The following TMED3 variants were observed in gnomAD, a reference collection of about 807,000 sequenced individuals.
The protein encoded by TMED3 is transmembrane emp24 domain-containing protein 3.
In TMED3, 9 loss-of-function variants were observed where a neutral mutation model predicts 15.0. The observed-to-expected ratio is 0.60, with a 90% CI of 0.36 to 1.04. The LOEUF (loss-of-function observed/expected upper bound fraction) is 1.04, where lower values mean the gene tolerates loss of function less well. Ranked by LOEUF, TMED3 falls within the 50% of genes least tolerant of loss-of-function variation. The pLI is 0.01. For synonymous variants in TMED3, 117 were observed against 121.4 expected (o/e 0.96, Z 0.24); for missense variants, 267 against 278.9 (o/e 0.96, Z 0.30).
chr15:79,390,896 A>G (rs920137693), intron 2 of TMED3, among the ~76,000 whole-genome samples: 2 of 151,952 alleles, frequency 1.3e-5, no homozygotes, highest in Non-Finnish European at 2.9e-5. Context: ...GCCTTGAACC[A>G]TCTTTTATAT....
chr15:79,339,168 C>T (rs906957965), intron 2 of TMED3, among the ~76,000 whole-genome samples: 1 of 148,796 alleles, frequency 6.7e-6, no homozygotes, highest in Non-Finnish European at 1.5e-5. Flanking sequence ...TTTGTCTCCT[C>T]TCTCTCTCTC....
intron 2 of TMED3, among the ~76,000 whole-genome samples, chr15:79,354,838 G>GC (rs1000414632): frequency 8.5e-5 from 13 of 152,078 alleles, no homozygotes; most frequent in East Asian, 1.9e-4. Context: ...TTCAAGCTCT[G>GC]CCCCCCCATT....
At chr15:79,411,739 G>T in exon 3 of TMED3, 1 of 473,418 alleles carries the variant, frequency 2.1e-6, no homozygotes, top group Non-Finnish European at 3.9e-6. Flanking sequence ...TGAGCTGGCA[G>T]GGAGAGTTGC....
chr15:79,394,835 A>G (rs1893742542), intron 2 of TMED3, among the ~76,000 whole-genome samples: 5 of 152,212 alleles, frequency 3.3e-5, no homozygotes, highest in African/African-American at 1.2e-4. Flanking sequence ...AGAGAAATTG[A>G]GACCCCCTGT....
Position 79,322,166 on chromosome 15 carries a change from A to G in TMED3, c.606A>G (p.Lys202=), listed in dbSNP as rs1490374047. The change falls in exon 3 of 3, where the codon AAA becomes AAG. Residue 202 remains lysine, a synonymous_variant. Coordinates refer to ENST00000299705, the MANE Select transcript of TMED3 (RefSeq NM_007364.4). ...VVSFSQVLLL[K]SFFTEKRPIS... ...GCTTCAGTCAGGTGCTACTGTTGAA[A>G]AGCTTCTTCACAGAAAAACGACCCA... 1 of 1,614,164 alleles carries G rather than the reference A, an allele frequency of 6.2e-7. No individual in the cohort carries two copies. The highest frequency in any genetic ancestry group is 1.7e-5 in the Admixed American group (1 of 60,032).
intron 2 of TMED3, among the ~76,000 whole-genome samples, chr15:79,400,180 GTCACTCCTCA>G (rs1351410021): frequency 3.3e-5 from 5 of 152,172 alleles, no homozygotes; most frequent in Non-Finnish European, 4.4e-5. Context: ...CCATTCTGCT[GTCACTCCTCA>G]CAGCACTGGT....
chr15:79,385,417 A>G (rs1343400869), intron 2 of TMED3, among the ~76,000 whole-genome samples: 1 of 152,176 alleles, frequency 6.6e-6, no homozygotes, highest in Non-Finnish European at 1.5e-5. Flanking sequence ...CATCTCAAGC[A>G]GGCTCCACCC....
At chr15:79,410,346 G>A (rs16970917) in intron 2 of TMED3, among the ~76,000 whole-genome samples, 2,456 of 152,176 alleles carry the variant, frequency 0.016, 58 homozygotes, top group African/African-American at 0.055. Flanking sequence ...TTTTCCCATC[G>A]GAATGAAGCA....
intron 2 of TMED3, among the ~76,000 whole-genome samples, chr15:79,376,479 A>T (rs1035479308): frequency 6.6e-6 from 1 of 152,172 alleles, no homozygotes; most frequent in Non-Finnish European, 1.5e-5. Context: ...TAATCCCATA[A>T]CTACTCATTT....
At position 79,311,134 on chromosome 15, in the gene TMED3, G is replaced by A; in HGVS notation, c.-116G>A. The A allele has an allele frequency of 8.3e-7, 1 of 1,200,250 alleles. No individual in the cohort carries two copies. The allele number at this position is 1,200,250 out of a possible 1,614,324, so 74.4% of individuals were successfully genotyped here. On this transcript the variant is annotated 5_prime_UTR_variant, in exon 1 of 3. Coordinates refer to ENST00000299705, the MANE Select transcript of TMED3 (RefSeq NM_007364.4). ...GGCCCTCCCGGAAGCGCAGAGCTCC[G>A]CTGGTGCCACGTCTATCCCCTTACA...
chr15:79,406,615 G>A (rs763194006), intron 2 of TMED3, among the ~76,000 whole-genome samples: 54 of 152,342 alleles, frequency 3.5e-4, no homozygotes, highest in African/African-American at 1.3e-3. Flanking sequence ...GAAGCAATAG[G>A]TCCTGGGTCT....
downstream of TMED3, among the ~76,000 whole-genome samples, chr15:79,325,053 A>C (rs959411514): frequency 6.6e-6 from 1 of 152,196 alleles, no homozygotes; most frequent in African/African-American, 2.4e-5. Flanking sequence ...TGGAACTGAC[A>C]GGTGGAGTTT....
intron 2 of TMED3, chr15:79,383,882 G>C (rs1893582546): frequency 6.6e-6 from 1 of 152,194 alleles, no homozygotes; most frequent in Non-Finnish European, 1.5e-5. Flanking sequence ...CAGAAACTGG[G>C]GGTAAAGAGC....
intron 2 of TMED3, among the ~76,000 whole-genome samples, chr15:79,364,401 G>A (rs1893189467): frequency 6.6e-6 from 1 of 152,024 alleles, no homozygotes; most frequent in Admixed American, 6.6e-5. Flanking sequence ...TCTGCCTAAA[G>A]CAAGCTGGCT....
intron 2 of TMED3, among the ~76,000 whole-genome samples, chr15:79,395,249 G>T (rs910356134): frequency 6.6e-6 from 1 of 152,076 alleles, no homozygotes; most frequent in African/African-American, 2.4e-5. Flanking sequence ...GCACGATCTC[G>T]GCCCACTGAA....
intron 2 of TMED3, among the ~76,000 whole-genome samples, chr15:79,372,236 A>G (rs1441814586): frequency 6.6e-6 from 1 of 152,210 alleles, no homozygotes; most frequent in Non-Finnish European, 1.5e-5. Flanking sequence ...GGAGATAGGC[A>G]GGGGTGGATG....
At position 79,345,519 on chromosome 15, in the gene TMED3, G is replaced by A. The variant is rs139947580; in HGVS notation, c.417+31514G>A. Among the ~76,000 whole-genome samples, 160 of 152,238 alleles carry A rather than the reference G, an allele frequency of 1.1e-3. No individual in the cohort carries two copies. In the East Asian group the frequency reaches 0.027, roughly 26 times the overall value. On this transcript the variant is annotated intron_variant, in intron 2 of 2. Transcript: ENST00000424155. Reference sequence around the variant, plus strand: ...CTGCATAGTATTCCATGGTTTATATGTACCACATTTTCTTTATCCAGTCTA... The same window carrying A: ...CTGCATAGTATTCCATGGTTTATATATACCACATTTTCTTTATCCAGTCTA...
chr15:79,359,240 T>G (rs1440746535), intron 2 of TMED3, among the ~76,000 whole-genome samples: 2 of 150,172 alleles, frequency 1.3e-5, no homozygotes, highest in East Asian at 1.9e-4. Context: ...GTTTTTTTTT[T>G]TTTTTTTTTT....
chr15:79,398,697 C>T (rs1254846727), intron 2 of TMED3, among the ~76,000 whole-genome samples: 1 of 152,136 alleles, frequency 6.6e-6, no homozygotes, highest in African/African-American at 2.4e-5. Flanking sequence ...CTGCTTTACT[C>T]AGTCCACCAA....
Sources: allele counts gnomAD v4.1 joint callset (sites outside exome capture counted in the v4.1 genomes callset), GRCh38; gene constraint gnomAD v4.1.1; transcripts MANE v1.5; gene names NCBI Gene and HGNC (gene_info 2026-07-23, HGNC 2026-07-21).